Variants in MAGI2 observed in about 807,000 individuals in gnomAD.
MAGI2 encodes membrane associated guanylate kinase, WW and PDZ domain containing 2, also known as membrane-associated guanylate kinase, WW and PDZ domain-containing protein 2.
MAGI2 carries 35 observed loss-of-function variants against 133.3 expected under a neutral mutation model. That is an observed-to-expected ratio of 0.26 (90% confidence interval 0.20 to 0.35). The LOEUF is 0.35. Among genes scored for constraint, MAGI2 ranks in the 10% least tolerant of loss-of-function variants. The pLI is 1.00. For synonymous variants in MAGI2, 729 were observed against 710.6 expected, an observed-to-expected ratio of 1.03 and a Z score of -0.41; for missense variants, 1,636 against 1,863.4, an observed-to-expected ratio of 0.88 and a Z score of 2.25.
intron 1 of MAGI2, among the ~76,000 whole-genome samples, chr7:79,319,301 A>C (rs542581764): frequency 1.3e-5 from 2 of 152,262 alleles, no homozygotes; most frequent in East Asian, 3.9e-4. Flanking sequence ...TAATGCAATA[A>C]ACACCCTGTA....
intron 1 of MAGI2, among the ~76,000 whole-genome samples, chr7:79,020,162 T>C (rs1479594766): frequency 6.6e-6 from 1 of 152,186 alleles, no homozygotes; most frequent in Non-Finnish European, 1.5e-5. Context: ...ACTCTTGCTA[T>C]GCTCCAGCAA....
At chr7:79,110,411 A>T (rs1373788506) in intron 1 of MAGI2, among the ~76,000 whole-genome samples, 2 of 152,062 alleles carry the variant, frequency 1.3e-5, no homozygotes, top group African/African-American at 4.8e-5. Flanking sequence ...GTCAAAGGAG[A>T]TTATTTTGGA....
At chr7:78,612,490 A>C (rs912189796) in intron 3 of MAGI2, among the ~76,000 whole-genome samples, 1 of 152,164 alleles carries the variant, frequency 6.6e-6, no homozygotes, top group African/African-American at 2.4e-5. Flanking sequence ...GAAAACAAGA[A>C]TAAATGAAAA....
At chr7:78,633,898 G>A (rs1056015599) in intron 2 of MAGI2, among the ~76,000 whole-genome samples, 8 of 151,872 alleles carry the variant, frequency 5.3e-5, no homozygotes, top group African/African-American at 1.9e-4. Context: ...ACATAAAAGG[G>A]CATTATAAAA....
At chr7:79,336,680 C>T (rs763981578) in intron 1 of MAGI2, among the ~76,000 whole-genome samples, 10 of 151,858 alleles carry the variant, frequency 6.6e-5, no homozygotes, top group South Asian at 2.1e-4. Flanking sequence ...TTTAAGCTTC[C>T]GCCTGTAAGT....
At chr7:78,902,118 T>C (rs1192848271) in intron 2 of MAGI2, among the ~76,000 whole-genome samples, 1 of 152,192 alleles carries the variant, frequency 6.6e-6, no homozygotes, top group African/African-American at 2.4e-5. Context: ...TTTATAGTTG[T>C]TATTTGTATT....
At chr7:79,072,227 G>T (rs1237521023) in intron 1 of MAGI2, among the ~76,000 whole-genome samples, 1 of 151,976 alleles carries the variant, frequency 6.6e-6, no homozygotes, top group Non-Finnish European at 1.5e-5. Context: ...GACTGGAGCT[G>T]TTCCTATTTG....
chr7:78,684,921 A>G (rs768728612), intron 2 of MAGI2, among the ~76,000 whole-genome samples: 2 of 152,196 alleles, frequency 1.3e-5, no homozygotes, highest in Non-Finnish European at 1.5e-5. Flanking sequence ...AACAAATGCC[A>G]TTACTATAAT....
intron 1 of MAGI2, among the ~76,000 whole-genome samples, chr7:79,319,559 A>G (rs2129561476): frequency 6.6e-6 from 1 of 152,260 alleles, no homozygotes; most frequent in Non-Finnish European, 1.5e-5. Context: ...ATGTTGACAT[A>G]ATAGGTGGAA....
intron 1 of MAGI2, among the ~76,000 whole-genome samples, chr7:79,206,261 GAATAC>G (rs1829052957): frequency 6.7e-6 from 1 of 149,276 alleles, no homozygotes; most frequent in Admixed American, 6.6e-5. Context: ...TAGAGACTAC[GAATAC>G]AATAGAAAAA....
At chr7:78,939,958 A>C (rs1800840473) in intron 2 of MAGI2, 1 of 152,176 alleles carries the variant, frequency 6.6e-6, no homozygotes. Context: ...GGAGAGTCAT[A>C]GAAAATAAAC....
chr7:78,737,416 T>C (rs1268612093), intron 2 of MAGI2, among the ~76,000 whole-genome samples: 1 of 152,216 alleles, frequency 6.6e-6, no homozygotes, highest in Non-Finnish European at 1.5e-5. Flanking sequence ...TTCATTGATA[T>C]GGTTTTCGAT....
chr7:79,161,081 A>ATATAAT (rs1243045340), intron 1 of MAGI2, among the ~76,000 whole-genome samples: 2 of 151,762 alleles, frequency 1.3e-5, no homozygotes, highest in Non-Finnish European at 2.9e-5. Context: ...TTATAAAATT[A>ATATAAT]TATAATTATA....
intron 9 of MAGI2, among the ~76,000 whole-genome samples, chr7:78,322,077 G>T (rs1788063763): frequency 6.6e-6 from 1 of 152,210 alleles, no homozygotes; most frequent in Non-Finnish European, 1.5e-5. Flanking sequence ...TCTCACGCCA[G>T]TTAGAATGGT....
At chr7:79,157,692 T>C (rs1401117800) in intron 1 of MAGI2, among the ~76,000 whole-genome samples, 1 of 152,024 alleles carries the variant, frequency 6.6e-6, no homozygotes, top group East Asian at 1.9e-4. Context: ...GGAAGTAATA[T>C]GGTCTTTGTG....
chr7:78,547,139 C>G (rs956509287), intron 3 of MAGI2, among the ~76,000 whole-genome samples: 2 of 152,172 alleles, frequency 1.3e-5, no homozygotes, highest in African/African-American at 4.8e-5. Flanking sequence ...CTCCCATGAC[C>G]TATTTCTGGT....
intron 9 of MAGI2, among the ~76,000 whole-genome samples, chr7:78,287,801 T>C (rs1796297232): frequency 6.6e-6 from 1 of 152,324 alleles, no homozygotes; most frequent in South Asian, 2.1e-4. Context: ...ACAGAGAATG[T>C]TGTTAATATA....
chr7:78,692,065 A>C (rs1433035192), intron 2 of MAGI2, among the ~76,000 whole-genome samples: 1 of 152,180 alleles, frequency 6.6e-6, no homozygotes, highest in Non-Finnish European at 1.5e-5. Flanking sequence ...CTCTAAAAAA[A>C]AATAAGGTCT....
At chr7:79,411,905 A>G (rs1846168327) in intron 1 of MAGI2, 1 of 151,808 alleles carries the variant, frequency 6.6e-6, no homozygotes, top group African/African-American at 2.4e-5. Context: ...TTCAATTGAA[A>G]TTCAATTGAA....
Sources: gnomAD v4.1 joint callset for allele counts (sites outside exome capture counted in the v4.1 genomes callset) on GRCh38, gnomAD v4.1.1 for gene constraint, MANE v1.5 for transcripts, NCBI Gene and HGNC (gene_info 2026-07-23, HGNC 2026-07-21) for gene names.